UPRT: variants seen among roughly 807,000 people sequenced by gnomAD.
UPRT encodes uracil phosphoribosyltransferase homolog.
In UPRT, 5 loss-of-function variants were observed where a neutral mutation model predicts 22.6. That is an observed-to-expected ratio of 0.22 (90% CI 0.12 to 0.47). The LOEUF (loss-of-function observed/expected upper bound fraction) is 0.47. Among genes scored for constraint, UPRT ranks in the 20% least tolerant of loss-of-function variants. The pLI is 0.99. For missense variants in UPRT, 181 were observed against 239.9 expected (o/e 0.75, Z 1.62); for synonymous variants, 77 against 87.7 (o/e 0.88, Z 0.68).
At chrX:75,233,964 T>A (rs1033553185) in intron 4 of UPRT, among the ~76,000 whole-genome samples, 1 of 111,095 alleles carries the variant, frequency 9.0e-6, no homozygotes, top group African/African-American at 3.3e-5. Flanking sequence ...GTGGACTAAA[T>A]GCTCCAATTA....
intron 4 of UPRT, among the ~76,000 whole-genome samples, chrX:75,260,790 CAG>C (rs759338757): frequency 8.9e-6 from 1 of 111,838 alleles, no homozygotes; most frequent in African/African-American, 3.2e-5. Flanking sequence ...CCCAAATCAA[CAG>C]AATATACATT....
At chrX:75,231,566 G>A (rs1048398592) in intron 4 of UPRT, among the ~76,000 whole-genome samples, 4 of 111,860 alleles carry the variant, frequency 3.6e-5, no homozygotes, top group African/African-American at 1.3e-4. Context: ...TCTTGCTAGA[G>A]ATATAGGCAT....
At chrX:75,184,368 G>C (rs1415880275) in intron 4 of UPRT, among the ~76,000 whole-genome samples, 1 of 108,735 alleles carries the variant, frequency 9.2e-6, no homozygotes, top group Non-Finnish European at 1.9e-5. Flanking sequence ...GCTCTGTTCT[G>C]TTCCATTGAT....
At chrX:75,236,697 G>A (rs886622914) in intron 4 of UPRT, among the ~76,000 whole-genome samples, 1 of 112,375 alleles carries the variant, frequency 8.9e-6, no homozygotes, top group Admixed American at 9.4e-5. Flanking sequence ...AAGCAATGGG[G>A]TAAGGATTCC....
intron 4 of UPRT, among the ~76,000 whole-genome samples, chrX:75,168,433 G>A (rs1373205140): frequency 9.3e-6 from 1 of 107,588 alleles, no homozygotes; most frequent in Non-Finnish European, 1.9e-5. Context: ...GTGGGGGCGG[G>A]GTTATTTAAA....
intron 4 of UPRT, among the ~76,000 whole-genome samples, chrX:75,243,859 A>G (rs1407693639): frequency 9.0e-6 from 1 of 111,730 alleles, no homozygotes; most frequent in African/African-American, 3.2e-5. Context: ...TAATAATACT[A>G]TACTTTGTTT....
At chrX:75,195,977 AT>A (rs779544694) in intron 4 of UPRT, among the ~76,000 whole-genome samples, 23 of 111,573 alleles carry the variant, frequency 2.1e-4, no homozygotes, top group Non-Finnish European at 4.1e-4. Flanking sequence ...CTTTTTCAAG[AT>A]TGTTTTGGCT....
At chrX:75,255,038 G>T (rs2082544937) in intron 4 of UPRT, among the ~76,000 whole-genome samples, 1 of 110,686 alleles carries the variant, frequency 9.0e-6, no homozygotes, top group Admixed American at 9.6e-5. Flanking sequence ...GCCTCCCAAA[G>T]TGCTGGGATT....
At chrX:75,285,215 A>G (rs2082675108) in intron 1 of UPRT, among the ~76,000 whole-genome samples, 1 of 111,062 alleles carries the variant, frequency 9.0e-6, no homozygotes. Context: ...AATTGCCCAG[A>G]CTACCTGCCT....
At chrX:75,201,055 A>G (rs377454553) in intron 4 of UPRT, among the ~76,000 whole-genome samples, 2 of 112,473 alleles carry the variant, frequency 1.8e-5, no homozygotes, top group Admixed American at 9.4e-5. Context: ...GTCATCATCT[A>G]CAAGATCCTC....
chrX:75,295,308 G>C (rs1312198607), intron 2 of UPRT, among the ~76,000 whole-genome samples: 1 of 110,483 alleles, frequency 9.1e-6, no homozygotes, highest in Non-Finnish European at 1.9e-5. Flanking sequence ...GAGGGGATGG[G>C]GATAGGAGGT....
chrX:75,248,850 C>G (rs1432694307), intron 4 of UPRT, among the ~76,000 whole-genome samples: 1 of 112,086 alleles, frequency 8.9e-6, no homozygotes, highest in Non-Finnish European at 1.9e-5. Flanking sequence ...ATCAGACTAC[C>G]AGCTGATCTC....
rs144360504 is a variant in UPRT, at chrX:75,266,687, C to G, written c.-446-24337C>G. On this transcript the variant is annotated intron_variant, in intron 4 of 13. Coordinates refer to the UPRT transcript ENST00000652605. ...AATGAGAGAAAATGTTTGCAATCTA[C>G]TCATCTGACAAAGGGCTAATATCCA... is the stretch of plus-strand genomic sequence containing the variant. 0.08 allele frequency among the ~76,000 whole-genome samples: 8,941 copies of G among 111,087 alleles called. 1,248 individuals carry two copies. The East Asian group carries it at 0.9, about 11-fold the overall frequency.
At chrX:75,257,811 G>A (rs1486080231) in intron 4 of UPRT, among the ~76,000 whole-genome samples, 1 of 111,194 alleles carries the variant, frequency 9.0e-6, no homozygotes, top group Non-Finnish European at 1.9e-5. Flanking sequence ...TGGCCAAATA[G>A]GAGCAGCTCC....
chrX:75,236,145 A>G (rs1335890258), intron 4 of UPRT, among the ~76,000 whole-genome samples: 1 of 111,626 alleles, frequency 9.0e-6, no homozygotes, highest in Admixed American at 9.5e-5. Flanking sequence ...GCATTCTTAT[A>G]CATCAACAGC....
At position 75,164,415 on chromosome X, in the gene UPRT, C is replaced by A. The variant is rs150041286; in HGVS notation, c.-521+1190C>A. Among the ~76,000 whole-genome samples, 22 of 111,268 alleles carry A rather than the reference C, an allele frequency of 2.0e-4. No individual in the cohort carries two copies. The East Asian group carries it at 6.2e-3, about 31-fold the overall frequency. On this transcript the variant is annotated intron_variant, in intron 3 of 13. Transcript: ENST00000652605. ...TATCAGAAACTCTGTAATAACATTACAAACAGACCAAGACAGAAATATTAT... is the reference window on the plus strand; with the variant it reads ...TATCAGAAACTCTGTAATAACATTAAAAACAGACCAAGACAGAAATATTAT...
At chrX:75,247,219 C>T (rs1018565455) in intron 4 of UPRT, among the ~76,000 whole-genome samples, 6 of 111,166 alleles carry the variant, frequency 5.4e-5, no homozygotes, top group Non-Finnish European at 9.4e-5. Flanking sequence ...CTGGGGAGTG[C>T]CAGAGAGTGG....
intron 1 of UPRT, among the ~76,000 whole-genome samples, chrX:75,278,449 G>A (rs185049158): frequency 1.4e-4 from 16 of 111,716 alleles, no homozygotes; most frequent in African/African-American, 6.5e-5. Flanking sequence ...TGGTGAACTT[G>A]GGATAAGAAA....
Position 75,188,895 on chromosome X carries a change from C to T in UPRT, c.-447+21016C>T, listed in dbSNP as rs762419486. Among the ~76,000 whole-genome samples the T allele has an allele frequency of 9.9e-4, 111 of 111,719 alleles. No individual in the cohort carries two copies. The Middle Eastern group carries it at 0.014, about 14-fold the overall frequency. On this transcript the variant is annotated intron_variant, in intron 4 of 13. Transcript: ENST00000652605. Reference sequence around the variant, plus strand: ...CCCTGCTTCGGCTCGCACGCGCACCCACTGACCTGCGCCTACTGTCTGGCA... The same window carrying T: ...CCCTGCTTCGGCTCGCACGCGCACCTACTGACCTGCGCCTACTGTCTGGCA...
Sources: gnomAD v4.1 joint callset for allele counts (sites outside exome capture counted in the v4.1 genomes callset) on GRCh38, gnomAD v4.1.1 for gene constraint, MANE v1.5 for transcripts, NCBI Gene and HGNC (gene_info 2026-07-23, HGNC 2026-07-21) for gene names.